The following DNAH6 variants were observed in gnomAD, a reference collection of about 807,000 sequenced individuals.
The protein encoded by DNAH6 is dynein axonemal heavy chain 6.
In DNAH6, 340 loss-of-function variants were observed where a neutral mutation model predicts 491.4. The ratio of observed to expected loss-of-function variants is 0.69; its 90% confidence interval spans 0.63 to 0.76. The LOEUF (loss-of-function observed/expected upper bound fraction) is 0.76. Among genes scored for constraint, DNAH6 ranks in the 30% least tolerant of loss-of-function variants. The probability of loss-of-function intolerance (pLI) is 0.00; values close to 1 mark genes in which losing one functional copy is unlikely to be tolerated. For synonymous variants in DNAH6, 1,603 were observed against 1,686.1 expected, an observed-to-expected ratio of 0.95 and a Z score of 1.21; for missense variants, 4,443 against 4,972.2, an observed-to-expected ratio of 0.89 and a Z score of 3.20.
intron 72 of DNAH6, among the ~76,000 whole-genome samples, chr2:84,811,399 G>A (rs183718653): frequency 1.6e-3 from 240 of 152,322 alleles, no homozygotes; most frequent in African/African-American, 5.4e-3. Context: ...CTTTAGCCAG[G>A]TGGCAAACAT....
chr2:84,480,669 TAAA>T, the DNAH6 span, among the ~76,000 whole-genome samples: 1 of 152,144 alleles, frequency 6.6e-6, no homozygotes, highest in Non-Finnish European at 1.5e-5. Context: ...TCCAGTTACT[TAAA>T]GAAGTCATGG....
At chr2:84,485,181 G>A in the DNAH6 span, among the ~76,000 whole-genome samples, 1 of 152,164 alleles carries the variant, frequency 6.6e-6, no homozygotes, top group African/African-American at 2.4e-5. Context: ...TTGAATTTAT[G>A]CCATGACAGT....
intron 43 of DNAH6, among the ~76,000 whole-genome samples, chr2:84,685,914 G>A (rs1694215415): frequency 6.6e-6 from 1 of 152,118 alleles, no homozygotes; most frequent in African/African-American, 2.4e-5. Context: ...GATAGGCCAG[G>A]CGCAGTGGTC....
the DNAH6 span, among the ~76,000 whole-genome samples, chr2:84,466,240 T>TTTA: frequency 6.6e-6 from 1 of 152,364 alleles, no homozygotes; most frequent in Admixed American, 6.5e-5. Context: ...CCAAAGGGCT[T>TTTA]TTATTGGCTC....
chr2:84,468,020 A>G, the DNAH6 span, among the ~76,000 whole-genome samples: 4 of 152,142 alleles, frequency 2.6e-5, no homozygotes, highest in African/African-American at 4.8e-5. Flanking sequence ...GAGGTGGTTT[A>G]TATGACCTTA....
chr2:84,488,981 T>C, the DNAH6 span, among the ~76,000 whole-genome samples: 1 of 152,120 alleles, frequency 6.6e-6, no homozygotes, highest in Non-Finnish European at 1.5e-5. Flanking sequence ...TCCCTCATAA[T>C]AGCTTTATCA....
rs116919798 is a variant in DNAH6 at position 84,736,865 on chromosome 2, T to C, written c.10342+3286T>C. 2.6e-5 allele frequency among the ~76,000 whole-genome samples: 4 copies of C among 152,254 alleles called. 1 individual carries two copies. The East Asian group carries it at 5.8e-4, about 22-fold the overall frequency. On this transcript the variant is annotated intron_variant, in intron 62 of 76. Coordinates refer to ENST00000389394, the MANE Select transcript of DNAH6 (RefSeq NM_001370.2). ...TTTGGCTAGGACTTCCAGTACTATA[T>C]TGAATAGGAGTGGTGAGAGTAGACA...
At chr2:84,476,967 C>T in the DNAH6 span, among the ~76,000 whole-genome samples, 15 of 152,232 alleles carry the variant, frequency 9.9e-5, no homozygotes, top group African/African-American at 3.6e-4. Context: ...ACGGCGCATC[C>T]TCCACTTTCA....
At chr2:84,719,433 C>T (rs1333884715) in intron 59 of DNAH6, among the ~76,000 whole-genome samples, 4 of 152,104 alleles carry the variant, frequency 2.6e-5, no homozygotes, top group African/African-American at 9.7e-5. Flanking sequence ...GCATTCCGTG[C>T]CTTCTCTTCC....
intron 73 of DNAH6, 117 bp downstream of exon 73, chr2:84,812,643 GA>G: frequency 1.2e-6 from 1 of 866,424 alleles, no homozygotes; most frequent in Non-Finnish European, 1.8e-6. Flanking sequence ...TGAGCCCAGA[GA>G]AAAAGAGATG....
At chr2:84,671,623 A>G (rs969309660) in intron 39 of DNAH6, among the ~76,000 whole-genome samples, 1 of 152,280 alleles carries the variant, frequency 6.6e-6, no homozygotes, top group African/African-American at 2.4e-5. Flanking sequence ...ACAAAGGTTT[A>G]TCTTAGACCC....
chr2:84,746,049 T>G (rs1214177847), intron 63 of DNAH6, among the ~76,000 whole-genome samples: 2 of 152,176 alleles, frequency 1.3e-5, no homozygotes, highest in African/African-American at 4.8e-5. Context: ...CCAAAGGGGA[T>G]AGTTGTGCCA....
intron 4 of DNAH6, among the ~76,000 whole-genome samples, chr2:84,543,172 A>G (rs544838568): frequency 3.3e-5 from 5 of 152,270 alleles, no homozygotes; most frequent in African/African-American, 1.2e-4. Flanking sequence ...GATAATCATA[A>G]TAATAGTAGT....
chr2:84,666,879 T>C (rs1408021953), intron 37 of DNAH6, among the ~76,000 whole-genome samples: 1 of 152,130 alleles, frequency 6.6e-6, no homozygotes, highest in Non-Finnish European at 1.5e-5. Context: ...CAAAACAGCA[T>C]GATACTGGTA....
At chr2:84,651,922 A>C (rs978974558) in intron 33 of DNAH6, among the ~76,000 whole-genome samples, 1 of 149,474 alleles carries the variant, frequency 6.7e-6, no homozygotes, top group African/African-American at 2.5e-5. Flanking sequence ...TATCTTGAGC[A>C]TCTTTTTCAT....
chr2:84,723,730 A>G (rs189630979), intron 60 of DNAH6, among the ~76,000 whole-genome samples: 23 of 152,184 alleles, frequency 1.5e-4, no homozygotes, highest in Non-Finnish European at 3.1e-4. Context: ...CCATGTGACT[A>G]TGAGACTCTC....
chr2:84,727,464 G>A (rs1395562204), intron 60 of DNAH6, among the ~76,000 whole-genome samples: 1 of 152,112 alleles, frequency 6.6e-6, no homozygotes, highest in Non-Finnish European at 1.5e-5. Flanking sequence ...TTGAATGCAA[G>A]ATTGTTCATA....
At chr2:84,611,467 A>G (rs563324312) in intron 21 of DNAH6, among the ~76,000 whole-genome samples, 3 of 152,186 alleles carry the variant, frequency 2.0e-5, no homozygotes, top group African/African-American at 7.2e-5. Flanking sequence ...GACCCATTAG[A>G]ACTCTGCTCA....
chr2:84,580,375 T>G lies in DNAH6; in HGVS notation c.2229+696T>G, dbSNP rs4991721. On this transcript the variant is annotated intron_variant, in intron 14 of 76. Coordinates refer to ENST00000389394, the MANE Select transcript of DNAH6 (RefSeq NM_001370.2). ...ACTCCTTTGTCTCTTTTGCTTCTTT[T>G]TCTCCGGAAACTTGGTTTCCTCCTC... 4.8e-3 allele frequency among the ~76,000 whole-genome samples: 725 copies of G among 152,084 alleles called. 3 individuals are homozygous for G. Among genetic ancestry groups the G allele is most frequent in the African/African-American group, 0.016 (680 of 41,462 alleles).
Sources: gnomAD v4.1 joint callset for allele counts (sites outside exome capture counted in the v4.1 genomes callset) on GRCh38, gnomAD v4.1.1 for gene constraint, MANE v1.5 for transcripts, NCBI Gene and HGNC (gene_info 2026-07-23, HGNC 2026-07-21) for gene names.